Variants in SGK1 observed in about 807,000 individuals in gnomAD.
SGK1 encodes the protein serum/glucocorticoid regulated kinase 1.
A neutral mutation model predicts 64.2 loss-of-function variants in SGK1; 26 were observed. The observed-to-expected ratio is 0.40, with a 90% CI of 0.30 to 0.56. SGK1 has a LOEUF of 0.56. SGK1 is among the 20% of genes least tolerant of loss of function. The pLI, the probability that SGK1 is intolerant of heterozygous loss-of-function variation, is 0.38. For synonymous variants in SGK1, 265 were observed against 239.7 expected (o/e 1.11, Z -0.98); for missense variants, 519 against 645.6 (o/e 0.80, Z 2.12).
intron 2 of SGK1, among the ~76,000 whole-genome samples, chr6:134,248,297 C>T (rs533876955): frequency 6.6e-6 from 1 of 152,170 alleles, no homozygotes; most frequent in East Asian, 1.9e-4. Flanking sequence ...GGAGTACAAA[C>T]AGATCAGTAC....
intron 2 of SGK1, among the ~76,000 whole-genome samples, chr6:134,241,640 AGATGGAGTCTCGCTCTGTCACCCAGGCTG>A (rs1469085967): frequency 6.6e-6 from 1 of 152,034 alleles, no homozygotes; most frequent in Non-Finnish European, 1.5e-5. Flanking sequence ...TTATTTTTTG[AGATGGAGTCTCGCTCTGTCACCCAGGCTG>A]GAGTGCAGTG....
chr6:134,260,381 C>G lies in SGK1; in HGVS notation c.285+1552G>C, dbSNP rs1241404546. On this transcript the variant is annotated intron_variant, in intron 2 of 13. Coordinates refer to ENST00000367858, the MANE Select transcript of SGK1 (RefSeq NM_001143676.3). ...TCCCTGTCCCCGACCCCCACCCCCCCCAAAAAAAGGGCCGGCGTAGTGGCT... is the reference window on the plus strand; with the variant it reads ...TCCCTGTCCCCGACCCCCACCCCCCGCAAAAAAAGGGCCGGCGTAGTGGCT... 2.1e-5 allele frequency: 3 copies of G among 143,900 alleles called. No homozygotes were observed. The East Asian group carries it at 6.3e-4, about 30-fold the overall frequency. The allele number at this position is 143,900 out of a possible 1,614,324, so 8.9% of individuals were successfully genotyped here. A position where few individuals can be genotyped will look rare whatever the true frequency, so the allele number is the denominator to read the frequency against.
At chr6:134,275,236 G>C (rs1408134236) in intron 1 of SGK1, among the ~76,000 whole-genome samples, 1 of 151,986 alleles carries the variant, frequency 6.6e-6, no homozygotes, top group East Asian at 1.9e-4. Context: ...TTGTAGAGGT[G>C]GAGTGTCACT....
intron 1 of SGK1, among the ~76,000 whole-genome samples, chr6:134,290,881 C>T (rs1777254314): frequency 6.6e-6 from 1 of 152,094 alleles, no homozygotes; most frequent in Non-Finnish European, 1.5e-5. Context: ...CTGGTTTGGC[C>T]CATCATTGTT....
intron 3 of SGK1, among the ~76,000 whole-genome samples, chr6:134,204,264 A>AATTAAT (rs1562249497): frequency 3.3e-4 from 42 of 127,776 alleles, no homozygotes; most frequent in African/African-American, 1.1e-3. Flanking sequence ...AAATAAATAA[A>AATTAAT]TAATTACTCT....
chr6:134,288,580 A>G (rs1009378379), intron 1 of SGK1, among the ~76,000 whole-genome samples: 4 of 152,204 alleles, frequency 2.6e-5, no homozygotes, highest in Non-Finnish European at 4.4e-5. Flanking sequence ...CTGAACAAAA[A>G]GGGGAACACA....
intron 2 of SGK1, among the ~76,000 whole-genome samples, chr6:134,217,664 G>A (rs2114697932): frequency 6.6e-6 from 1 of 152,354 alleles, no homozygotes; most frequent in African/African-American, 2.4e-5. Flanking sequence ...GACCAGGATA[G>A]CAGGAGTCTG....
At chr6:134,300,537 CAAAA>C (rs112943044) in intron 1 of SGK1, among the ~76,000 whole-genome samples, 6 of 86,302 alleles carry the variant, frequency 7.0e-5, no homozygotes, top group Non-Finnish European at 6.9e-5. Context: ...GACTCTGTCT[CAAAA>C]AAAAAAAAAA....
chr6:134,183,385 C>T (rs1457635175), intron 3 of SGK1, among the ~76,000 whole-genome samples: 4 of 152,192 alleles, frequency 2.6e-5, no homozygotes, highest in East Asian at 1.9e-4. Context: ...ACTGCCATAT[C>T]GAATGCTAGA....
chr6:134,177,932 T>C, intron 3 of SGK1: 1 of 1,122,796 alleles, frequency 8.9e-7, no homozygotes, highest in Non-Finnish European at 1.3e-6. Flanking sequence ...CACTGGGCCA[T>C]TTATTCTCCC....
intron 1 of SGK1, among the ~76,000 whole-genome samples, chr6:134,262,458 T>C (rs1458373268): frequency 6.6e-6 from 1 of 151,858 alleles, no homozygotes; most frequent in Non-Finnish European, 1.5e-5. Context: ...TTTTTAGAGA[T>C]AGGGGGGTTT....
At chr6:134,218,616 G>C (rs996169357) in intron 2 of SGK1, 20 of 151,968 alleles carry the variant, frequency 1.3e-4, no homozygotes, top group African/African-American at 4.6e-4. Flanking sequence ...ATTTTTAGTA[G>C]AGACAGGGTT....
At chr6:134,317,361 A>C (rs1234473072) in intron 1 of SGK1, 31 bp downstream of exon 1, 2 of 1,418,262 alleles carry the variant, frequency 1.4e-6, no homozygotes, top group African/African-American at 2.8e-5. Flanking sequence ...AAGCACAGAA[A>C]ACAAAAGAAA....
At chr6:134,205,718 G>C (rs1775758205) in intron 3 of SGK1, among the ~76,000 whole-genome samples, 1 of 152,148 alleles carries the variant, frequency 6.6e-6, no homozygotes, top group Non-Finnish European at 1.5e-5. Context: ...ACAAGGAAAG[G>C]GCTGTCTCTC....
chr6:134,191,835 A>ATT lies in SGK1; in HGVS notation c.361+15519_361+15520dup, dbSNP rs71003671. ...AGGCATGCGCCACCACGCCCGGCTG[A>ATT]TTTTTTTTTTTTTTTTTTGAGACAG... On this transcript the variant is annotated intron_variant, in intron 3 of 13. Transcript: ENST00000367858. Among the ~76,000 whole-genome samples the ATT allele has an allele frequency of 4.6e-3, 279 of 61,190 alleles. 22 individuals are homozygous for ATT. Among genetic ancestry groups the ATT allele is most frequent in the East Asian group, 0.016 (34 of 2,182 alleles). 40.1% of individuals were successfully genotyped at this position (61,190 alleles called of 152,430 possible). A position where few individuals can be genotyped will look rare whatever the true frequency, so the allele number is the denominator to read the frequency against.
chr6:134,245,837 G>C (rs924722456), intron 2 of SGK1, among the ~76,000 whole-genome samples: 1 of 152,172 alleles, frequency 6.6e-6, no homozygotes, highest in Non-Finnish European at 1.5e-5. Flanking sequence ...TCAAAAGAAG[G>C]TAAAAGAAAT....
intron 3 of SGK1, among the ~76,000 whole-genome samples, chr6:134,193,081 T>A (rs1775540762): frequency 6.6e-6 from 1 of 152,244 alleles, no homozygotes; most frequent in Admixed American, 6.5e-5. Context: ...TCAAAAATCT[T>A]CTTTTCCATT....
At chr6:134,174,937 T>C (rs565277668) in intron 3 of SGK1, 5 of 1,487,812 alleles carry the variant, frequency 3.4e-6, no homozygotes, top group East Asian at 2.4e-5. Flanking sequence ...CAGTGAGAAG[T>C]GGCCCCGCCC....
intron 1 of SGK1, among the ~76,000 whole-genome samples, chr6:134,296,011 G>C (rs1259815802): frequency 6.6e-6 from 1 of 152,232 alleles, no homozygotes; most frequent in Non-Finnish European, 1.5e-5. Flanking sequence ...AGTTCCTGCT[G>C]TAACAGATGG....
Sources: allele counts gnomAD v4.1 joint callset (sites outside exome capture counted in the v4.1 genomes callset), GRCh38; gene constraint gnomAD v4.1.1; transcripts MANE v1.5; gene names NCBI Gene and HGNC (gene_info 2026-07-23, HGNC 2026-07-21).